GART: variants seen among roughly 807,000 people sequenced by gnomAD.
The protein encoded by GART is trifunctional purine biosynthetic protein adenosine-3.
Under a neutral mutation model 107.2 loss-of-function variants are expected in GART, and 43 were observed. The ratio of observed to expected loss-of-function variants is 0.40; its 90% CI spans 0.31 to 0.52. GART has a LOEUF of 0.52. Among genes scored for constraint, GART ranks in the 20% least tolerant of loss-of-function variants. The pLI, the probability that GART is intolerant of heterozygous loss-of-function variation, is 0.52. For synonymous variants in GART, 434 were observed against 427.0 expected (o/e 1.02, Z -0.20); for missense variants, 1,107 against 1,206.5 (o/e 0.92, Z 1.22).
intron 1 of GART, among the ~76,000 whole-genome samples, chr21:33,540,875 T>C (rs1300836863): frequency 2.0e-5 from 3 of 152,130 alleles, no homozygotes; most frequent in African/African-American, 7.2e-5. Context: ...AGGGAGATAC[T>C]ATTACTATCA....
intron 2 of GART, among the ~76,000 whole-genome samples, chr21:33,537,136 T>C (rs148419970): frequency 2.0e-5 from 3 of 152,314 alleles, no homozygotes; most frequent in African/African-American, 7.2e-5. Flanking sequence ...GAGGTCTCTT[T>C]AGTAGTCTTA....
At chr21:33,509,693 G>C in intron 18 of GART, 90 bp downstream of exon 18, 3 of 1,364,860 alleles carry the variant, frequency 2.2e-6, no homozygotes, top group Non-Finnish European at 3.0e-6. Context: ...CCTAGACTCT[G>C]CCGAGAGTAA....
rs1479121147 is a variant in GART, at chr21:33,524,737, T to C, written c.1298+32A>G. The C allele has an allele frequency of 3.7e-6, 6 of 1,613,444 alleles. No homozygotes were observed. The East Asian group carries it at 1.1e-4, about 30-fold the overall frequency. On this transcript the variant is annotated intron_variant, in intron 11 of 21. Coordinates refer to ENST00000381815, the MANE Select transcript of GART (RefSeq NM_000819.5). ...TAGCCATTTAGGCCAGTTTCTGAAA[T>C]GGCACTACAGCTAACTTGCTTAGAG...
At chr21:33,511,481 G>A (rs1191347934) in intron 16 of GART, 23 bp from the exon 17 acceptor site, 3 of 1,609,402 alleles carry the variant, frequency 1.9e-6, no homozygotes, top group South Asian at 1.1e-5. Context: ...GACACGAATT[G>A]TTTGATTTTC....
At chr21:33,540,332 T>C (rs1218301763) in intron 1 of GART, among the ~76,000 whole-genome samples, 1 of 152,240 alleles carries the variant, frequency 6.6e-6, no homozygotes. Flanking sequence ...TAAAACTTTA[T>C]GTACGGATAC....
intron 10 of GART, among the ~76,000 whole-genome samples, chr21:33,527,923 C>G (rs142518012): frequency 7.0e-4 from 107 of 152,254 alleles, no homozygotes; most frequent in African/African-American, 2.5e-3. Context: ...GGGTGACACT[C>G]GGGAGATGTG....
At chr21:33,522,364 T>C in intron 11 of GART, 82 bp from the exon 12 acceptor site, 3 of 1,103,802 alleles carry the variant, frequency 2.7e-6, no homozygotes, top group Non-Finnish European at 4.0e-6. Flanking sequence ...GCAGAAGATA[T>C]CCCAAGTGAT....
In GART at chr21:33,532,453, T is replaced by C. The variant is rs759671339; in HGVS notation, c.420A>G (p.Ala140=). 1 of 1,610,992 alleles carries C rather than the reference T, an allele frequency of 6.2e-7. No individual in the cohort carries two copies. The highest frequency in any genetic ancestry group is 8.5e-7 in the Non-Finnish European group (1 of 1,177,548). ...CCTTCACAACCAAAGCAGGGAAGTCTGCACTGTAAAGACAGAGTAATCGTC... is the reference window on the plus strand; with the variant it reads ...CCTTCACAACCAAAGCAGGGAAGTCCGCACTGTAAAGACAGAGTAATCGTC... ...PEEACSFILS[A]DFPALVVKAS... Residue 140 remains alanine, a synonymous_variant, in exon 5 of 22, where the codon GCA becomes GCG. Transcript: ENST00000381815.
At chr21:33,539,920 T>A (rs535845388) in intron 1 of GART, among the ~76,000 whole-genome samples, 60 of 152,306 alleles carry the variant, frequency 3.9e-4, no homozygotes, top group African/African-American at 1.4e-3. Context: ...TGTGATAATC[T>A]CCCTTCTCTG....
intron 10 of GART, among the ~76,000 whole-genome samples, chr21:33,527,730 T>TGAC (rs1233234262): frequency 2.6e-5 from 4 of 152,076 alleles, no homozygotes; most frequent in African/African-American, 9.7e-5. Flanking sequence ...GCCATCCAAG[T>TGAC]GACTATGGGG....
rs755029909 is a variant in GART at position 33,528,179 on chromosome 21, C to T, written c.1054G>A (p.Val352Ile). The T allele has an allele frequency of 8.1e-6, 13 of 1,613,622 alleles. No individual in the cohort carries two copies. The East Asian group carries it at 2.7e-4, about 33-fold the overall frequency. The change falls in exon 10 of 22, where the codon GTA becomes ATA. Residue 352 changes from valine (V) to isoleucine (I), a missense_variant. Coordinates refer to ENST00000381815, the MANE Select transcript of GART (RefSeq NM_000819.5). Reference sequence around the variant, plus strand: ...CCCTGACACTCACCTGTTATCTCTACACCCTTGGTGTAGTCTCCAGGATAA... The same window carrying T: ...CCCTGACACTCACCTGTTATCTCTATACCCTTGGTGTAGTCTCCAGGATAA... ...KGYPGDYTKG[V>I]EITGFPEAQA...
At chr21:33,515,517 G>A (rs1472412722) in intron 16 of GART, among the ~76,000 whole-genome samples, 1 of 151,978 alleles carries the variant, frequency 6.6e-6, no homozygotes, top group Non-Finnish European at 1.5e-5. Context: ...GCGGGCACCT[G>A]TAGTCCCAGC....
At chr21:33,514,774 T>C (rs2084846939) in intron 16 of GART, among the ~76,000 whole-genome samples, 1 of 152,216 alleles carries the variant, frequency 6.6e-6, no homozygotes, top group East Asian at 1.9e-4. Context: ...GCTCAGTCCA[T>C]GGACCTGGAA....
At chr21:33,528,026 A>C in intron 10 of GART, 141 bp downstream of exon 10, 1 of 682,926 alleles carries the variant, frequency 1.5e-6, no homozygotes, top group Non-Finnish European at 2.5e-6. Context: ...ATATCCAATA[A>C]GCAACATGGT....
chr21:33,533,241 C>T (rs1207892140), intron 4 of GART, among the ~76,000 whole-genome samples: 2 of 150,148 alleles, frequency 1.3e-5, no homozygotes, highest in African/African-American at 4.9e-5. Flanking sequence ...AGATCGAGAC[C>T]ATCCTGGCTA....
intron 18 of GART, among the ~76,000 whole-genome samples, chr21:33,508,691 A>G (rs1489213239): frequency 6.6e-6 from 1 of 151,466 alleles, no homozygotes; most frequent in Non-Finnish European, 1.5e-5. Context: ...TAATTTTTGT[A>G]TTTTTAGTGG....
intron 4 of GART, among the ~76,000 whole-genome samples, chr21:33,532,805 G>A (rs888705961): frequency 6.6e-6 from 1 of 152,178 alleles, no homozygotes; most frequent in African/African-American, 2.4e-5. Flanking sequence ...AAATGCGGCT[G>A]TATAACAACA....
In GART at chr21:33,534,752, C is replaced by A. The variant is rs762748160; in HGVS notation, c.243G>T (p.Gly81=). 2 of 1,574,292 alleles carry A rather than the reference C, an allele frequency of 1.3e-6. No homozygotes were observed. The highest frequency in any genetic ancestry group is 1.4e-5 in the African/African-American group (1 of 72,984). ...VVGPEAPLAA[G]IVGNLRSAGV... ...CTGCAGACCTCAGGTTCCCAACAATCCCTATTGATGAAAACAGTAGCCTTA... is the reference window on the plus strand; with the variant it reads ...CTGCAGACCTCAGGTTCCCAACAATACCTATTGATGAAAACAGTAGCCTTA... Residue 81 remains glycine, a splice_region_variant and synonymous_variant, in exon 4 of 22, where the codon GGG becomes GGT. Transcript: ENST00000381815.
intron 12 of GART, 60 bp downstream of exon 12, chr21:33,522,128 C>T: frequency 7.7e-7 from 1 of 1,293,948 alleles, no homozygotes; most frequent in East Asian, 2.3e-5. Flanking sequence ...AATATAAAAC[C>T]CAAATCCATT....
Sources: allele counts gnomAD v4.1 joint callset (sites outside exome capture counted in the v4.1 genomes callset), GRCh38; gene constraint gnomAD v4.1.1; transcripts MANE v1.5; gene names NCBI Gene and HGNC (gene_info 2026-07-23, HGNC 2026-07-21).